Variants in UBAP2 observed in about 807,000 individuals in gnomAD.
UBAP2 encodes ubiquitin associated protein 2, also known as ubiquitin-associated protein 2.
Under a neutral mutation model 139.6 loss-of-function variants are expected in UBAP2, and 75 were observed. The ratio of observed to expected loss-of-function variants is 0.54; its 90% confidence interval spans 0.45 to 0.65. The LOEUF (loss-of-function observed/expected upper bound fraction) is 0.65, where lower values mean the gene tolerates loss of function less well. Among genes scored for constraint, UBAP2 ranks in the 30% least tolerant of loss-of-function variants. The probability of loss-of-function intolerance (pLI) is 0.00; values close to 1 mark genes in which losing one functional copy is unlikely to be tolerated. For synonymous variants in UBAP2, 526 were observed against 526.2 expected (o/e 1.00, Z 0.01); for missense variants, 1,368 against 1,369.6 (o/e 1.00, Z 0.02).
intron 1 of UBAP2, among the ~76,000 whole-genome samples, chr9:34,025,937 G>A (rs926966121): frequency 2.6e-5 from 4 of 152,072 alleles, no homozygotes; most frequent in Non-Finnish European, 4.4e-5. Flanking sequence ...TGAAACAGCC[G>A]CATTTTCAAG....
intron 12 of UBAP2, among the ~76,000 whole-genome samples, chr9:33,950,434 T>C (rs72727351): frequency 0.079 from 12,042 of 152,262 alleles, 685 homozygotes; most frequent in Non-Finnish European, 0.12. Flanking sequence ...CTCAAGTAAG[T>C]TGAAACAATT....
chr9:34,030,393 G>A (rs191633149), intron 1 of UBAP2, among the ~76,000 whole-genome samples: 1,740 of 152,112 alleles, frequency 0.011, 42 homozygotes, highest in African/African-American at 0.04. Flanking sequence ...AGGTTGCAGT[G>A]AGCCGAGATC....
intron 1 of UBAP2, among the ~76,000 whole-genome samples, chr9:34,045,928 G>A (rs10738921): frequency 0.97 from 147,455 of 152,166 alleles, 71,528 homozygotes; most frequent in Non-Finnish European, 1. Context: ...CCTTCAGGTT[G>A]TATCTCCACT....
chr9:34,022,926 C>T (rs550007494), intron 1 of UBAP2, among the ~76,000 whole-genome samples: 4 of 151,906 alleles, frequency 2.6e-5, no homozygotes, highest in African/African-American at 9.7e-5. Context: ...TCTCAGTGAC[C>T]CCATTTATGA....
intron 1 of UBAP2, among the ~76,000 whole-genome samples, chr9:34,048,181 T>A (rs1827778742): frequency 6.6e-6 from 1 of 152,178 alleles, no homozygotes; most frequent in Non-Finnish European, 1.5e-5. Context: ...GTATGTATTA[T>A]TAACAGAGAG....
chr9:34,036,108 A>C (rs934440071), intron 1 of UBAP2, among the ~76,000 whole-genome samples: 11 of 151,728 alleles, frequency 7.2e-5, no homozygotes, highest in African/African-American at 2.2e-4. Flanking sequence ...CAGGAATTTG[A>C]TACTTTTTTC....
At chr9:33,929,196 A>G (rs1472933344) in intron 19 of UBAP2, among the ~76,000 whole-genome samples, 3 of 152,270 alleles carry the variant, frequency 2.0e-5, no homozygotes. Flanking sequence ...AGTGCTCGCA[A>G]GTGTACTTGG....
intron 4 of UBAP2, among the ~76,000 whole-genome samples, chr9:33,994,028 G>A (rs1319225290): frequency 6.6e-6 from 1 of 151,688 alleles, no homozygotes; most frequent in African/African-American, 2.4e-5. Flanking sequence ...CTGAGTAGCT[G>A]GGATTGCAGG....
At chr9:34,038,625 G>A (rs899431331) in intron 1 of UBAP2, among the ~76,000 whole-genome samples, 38 of 152,306 alleles carry the variant, frequency 2.5e-4, no homozygotes, top group Admixed American at 1.2e-3. Flanking sequence ...CGTGATCTCG[G>A]CTCACTACAA....
At chr9:33,931,923 CCA>C (rs902863232) in intron 19 of UBAP2, among the ~76,000 whole-genome samples, 4 of 152,210 alleles carry the variant, frequency 2.6e-5, no homozygotes, top group Admixed American at 2.6e-4. Flanking sequence ...AATAGAGGCT[CCA>C]GCCTCTCTTA....
intron 4 of UBAP2, among the ~76,000 whole-genome samples, chr9:33,990,143 G>T (rs1821575843): frequency 6.6e-6 from 1 of 152,098 alleles, no homozygotes; most frequent in African/African-American, 2.4e-5. Context: ...AAGCAGGGTA[G>T]TTACAGAGAA....
At chr9:33,937,475 C>T (rs1011126185) in intron 16 of UBAP2, among the ~76,000 whole-genome samples, 2 of 151,174 alleles carry the variant, frequency 1.3e-5, no homozygotes. Flanking sequence ...GGTGGGGTGA[C>T]ACACACCTGT....
Position 33,953,415 on chromosome 9 carries a change from T to C in UBAP2, c.926A>G (p.Asn309Ser), listed in dbSNP as rs751639876. 9 of 1,613,658 alleles carry C rather than the reference T, an allele frequency of 5.6e-6. No individual in the cohort carries two copies. The African/African-American group carries it at 8.0e-5, about 14-fold the overall frequency. The part of the protein sequence containing the change: ...PVPHSQASEA[N>S]SFETSQQQGF... ...CTGCTGTTGGGAAGTTTCAAAGGAGTTGGCTTCTGAGGCTTGACTGTGAGG... is the reference window on the plus strand; with the variant it reads ...CTGCTGTTGGGAAGTTTCAAAGGAGCTGGCTTCTGAGGCTTGACTGTGAGG... Residue 309 changes from asparagine (N) to serine (S), a missense_variant, in exon 12 of 29, where the codon AAC (asparagine) becomes AGC (serine). Transcript: ENST00000379238.
chr9:33,937,583 G>GA, intron 16 of UBAP2, among the ~76,000 whole-genome samples: 1 of 128,848 alleles, frequency 7.8e-6, no homozygotes, highest in East Asian at 2.3e-4. Context: ...CTGGGCGATA[G>GA]AGCCAGACTC....
At chr9:33,936,697 T>C (rs779538495) in intron 16 of UBAP2, among the ~76,000 whole-genome samples, 1 of 152,044 alleles carries the variant, frequency 6.6e-6, no homozygotes, top group African/African-American at 2.4e-5. Flanking sequence ...AATACCACTA[T>C]AGATCTCAGA....
chr9:33,948,761 T>G (rs374334187), intron 12 of UBAP2, 174 bp from the exon 13 acceptor site: 16 of 536,858 alleles, frequency 3.0e-5, no homozygotes, highest in African/African-American at 2.4e-4. Flanking sequence ...CAATGAAAAC[T>G]GACTAAATAA....
At chr9:33,987,119 T>C (rs1821286140) in intron 5 of UBAP2, among the ~76,000 whole-genome samples, 1 of 151,356 alleles carries the variant, frequency 6.6e-6, no homozygotes, top group Admixed American at 6.6e-5. Context: ...TACAAAAAAA[T>C]ACAAAAATTG....
At chr9:33,946,164 T>C (rs979728337) in intron 13 of UBAP2, among the ~76,000 whole-genome samples, 1 of 152,248 alleles carries the variant, frequency 6.6e-6, no homozygotes, top group Non-Finnish European at 1.5e-5. Context: ...TCTTTACTTA[T>C]AGACTGTTCT....
Position 33,922,742 on chromosome 9 carries a change from G to T in UBAP2, c.3209C>A (p.Ala1070Asp). 6.4e-7 allele frequency: 1 copy of T among 1,553,742 alleles called. No individual in the cohort carries two copies. The highest frequency in any genetic ancestry group is 8.7e-7 in the Non-Finnish European group (1 of 1,150,626). ...CAGCTGTGAGTGGGGCTGCTGGTGGGCTGGCAAGATGTGTAGGAATGGTGG... is the reference window on the plus strand; with the variant it reads ...CAGCTGTGAGTGGGGCTGCTGGTGGTCTGGCAAGATGTGTAGGAATGGTGG... ...APPPFLHILP[A>D]HQQPHSQLLH... The change falls in exon 28 of 29, where the codon GCC becomes GAC. Residue 1070 changes from alanine (A) to aspartate (D), a missense_variant. Physicochemically the swap from Ala to Asp is moderately radical, Grantham distance 126. Coordinates refer to ENST00000379238, the MANE Select transcript of UBAP2 (RefSeq NM_001370062.2).
Sources: allele counts gnomAD v4.1 joint callset (sites outside exome capture counted in the v4.1 genomes callset), GRCh38; gene constraint gnomAD v4.1.1; transcripts MANE v1.5; gene names NCBI Gene and HGNC (gene_info 2026-07-23, HGNC 2026-07-21).